The following RGS3 variants were observed in gnomAD, a reference collection of about 807,000 sequenced individuals.
RGS3 encodes the protein regulator of G protein signaling 3.
A neutral mutation model predicts 132.6 loss-of-function variants in RGS3; 80 were observed. The ratio of observed to expected loss-of-function variants is 0.60; its 90% CI spans 0.50 to 0.73. The LOEUF (loss-of-function observed/expected upper bound fraction) is 0.73. Among genes scored for constraint, RGS3 ranks in the 30% least tolerant of loss-of-function variants. The pLI, the probability that RGS3 is intolerant of heterozygous loss-of-function variation, is 0.00. For missense variants in RGS3, 1,382 were observed against 1,530.8 expected (o/e 0.90, Z 1.62); for synonymous variants, 598 against 620.6 (o/e 0.96, Z 0.54).
intron 19 of RGS3, chr9:113,542,213 T>C (rs1475462098): frequency 6.6e-6 from 1 of 151,312 alleles, no homozygotes; most frequent in Non-Finnish European, 1.5e-5. Context: ...TCGCGGTGGA[T>C]GGAATAGCAC....
intron 19 of RGS3, among the ~76,000 whole-genome samples, chr9:113,553,441 TAAA>T (rs66536651): frequency 9.8e-5 from 2 of 20,406 alleles, no homozygotes; most frequent in Non-Finnish European, 1.7e-4. Flanking sequence ...AAACTCTGTT[TAAA>T]AAAAAAAAAA....
At chr9:113,549,755 C>G (rs1833253442) in intron 19 of RGS3, among the ~76,000 whole-genome samples, 1 of 152,198 alleles carries the variant, frequency 6.6e-6, no homozygotes, top group Non-Finnish European at 1.5e-5. Context: ...AATAAATATT[C>G]TTCTACAACA....
intron 1 of RGS3, among the ~76,000 whole-genome samples, chr9:113,448,465 C>T (rs1829163956): frequency 6.6e-6 from 1 of 152,106 alleles, no homozygotes; most frequent in African/African-American, 2.4e-5. Flanking sequence ...CTTCTTCCCC[C>T]TTCTGCCTGG....
chr9:113,562,807 C>A (rs558700927), intron 19 of RGS3, among the ~76,000 whole-genome samples: 2 of 152,328 alleles, frequency 1.3e-5, no homozygotes, highest in East Asian at 3.9e-4. Context: ...CCCAGCCCTG[C>A]CACTCAGTTG....
chr9:113,552,425 T>G (rs1164467887), intron 19 of RGS3, among the ~76,000 whole-genome samples: 1 of 152,194 alleles, frequency 6.6e-6, no homozygotes, highest in East Asian at 1.9e-4. Context: ...CACGCCATTC[T>G]CCTGCCTCAG....
intron 3 of RGS3, among the ~76,000 whole-genome samples, chr9:113,468,359 A>G (rs527456137): frequency 6.6e-6 from 1 of 152,348 alleles, no homozygotes; most frequent in East Asian, 1.9e-4. Flanking sequence ...TCAATTGCCC[A>G]TAAACCCACG....
chr9:113,569,979 G>C (rs977701273), intron 19 of RGS3, among the ~76,000 whole-genome samples: 11 of 152,136 alleles, frequency 7.2e-5, no homozygotes, highest in African/African-American at 2.4e-4. Flanking sequence ...CCTATCCATG[G>C]AAATTGCTTT....
At chr9:113,517,305 C>T (rs770542289) in intron 15 of RGS3, 64 of 650,394 alleles carry the variant, frequency 9.8e-5, no homozygotes, top group Middle Eastern at 2.4e-4. Flanking sequence ...GTAGCTCTCA[C>T]GGTGAGGGTT....
At chr9:113,597,055 A>AGACAC in exon 25 of RGS3, 3 of 1,046,236 alleles carry the variant, frequency 2.9e-6, no homozygotes, top group Non-Finnish European at 2.8e-6. Flanking sequence ...AAGCCCCCAG[A>AGACAC]GGCTGTGTCT....
At chr9:113,459,385 T>G (rs1368270078), upstream of RGS3, among the ~76,000 whole-genome samples, 1 of 152,218 alleles carries the variant, frequency 6.6e-6, no homozygotes, top group Non-Finnish European at 1.5e-5. Context: ...AATTAATACT[T>G]TCTAGAAAAT....
chr9:113,490,147 A>G (rs553578627), intron 7 of RGS3, among the ~76,000 whole-genome samples: 6 of 152,216 alleles, frequency 3.9e-5, no homozygotes, highest in Middle Eastern at 3.2e-3. Flanking sequence ...CCTTGTCTGT[A>G]AAATGCAGTG....
At chr9:113,553,456 AAAAATATAT>A (rs1422716017) in intron 19 of RGS3, among the ~76,000 whole-genome samples, 1 of 98,062 alleles carries the variant, frequency 1.0e-5, no homozygotes, top group African/African-American at 4.2e-5. Flanking sequence ...AAAAAAAAAA[AAAAATATAT>A]ATATATATAT....
chr9:113,593,914 G>A (rs767731771), intron 21 of RGS3: 3 of 1,591,466 alleles, frequency 1.9e-6, no homozygotes, highest in East Asian at 4.5e-5. Flanking sequence ...CTGTCTCCCT[G>A]CTGCCATGGT....
At position 113,591,218 on chromosome 9, in the gene RGS3, G is replaced by A; in HGVS notation, c.3016-115G>A. On this transcript the variant is annotated intron_variant, in intron 20 of 24. Transcript: ENST00000350696. The surrounding 1 kb of genome is among the most constrained non-coding windows in gnomAD (Gnocchi z 4.4). ...CCCTCACCTGTGTGCCGCGGGTGGG[G>A]GCTTTGGGGATGGAAGGGGCTGGTG... is the stretch of plus-strand genomic sequence containing the variant. The A allele has an allele frequency of 9.0e-6, 8 of 892,734 alleles. No individual in the cohort carries two copies. The highest frequency in any genetic ancestry group is 1.1e-5 in the Non-Finnish European group (6 of 557,622). 55.3% of individuals were successfully genotyped at this position (892,734 alleles called of 1,614,324 possible). A position where few individuals can be genotyped will look rare whatever the true frequency, so the allele number is the denominator to read the frequency against.
At chr9:113,468,290 C>T (rs1210226675) in intron 3 of RGS3, among the ~76,000 whole-genome samples, 1 of 152,126 alleles carries the variant, frequency 6.6e-6, no homozygotes, top group Non-Finnish European at 1.5e-5. Flanking sequence ...TGTCCCAGTA[C>T]CATTTGTTGA....
In RGS3 at chr9:113,537,806, G is replaced by C. The variant is rs1405058072; in HGVS notation, c.2037+888G>C. The stretch of plus-strand genomic sequence containing the variant: ...CAGCAGGCCTATGCAGGGGGCAGTT[G>C]GGGGGCAGGCCTGCTGAAGCAGGAG... On this transcript the variant is annotated intron_variant, in intron 19 of 24. Transcript: ENST00000350696. This position sits in a 1 kb window ranked among gnomAD's most constrained non-coding sequence, Gnocchi z 4.3. Among the ~76,000 whole-genome samples the C allele has an allele frequency of 1.3e-5, 2 of 152,158 alleles. No individual in the cohort carries two copies. Among genetic ancestry groups the C allele is most frequent in the Non-Finnish European group, 2.9e-5 (2 of 68,020 alleles).
At chr9:113,588,115 C>G (rs1835214880) in intron 20 of RGS3, among the ~76,000 whole-genome samples, 1 of 152,206 alleles carries the variant, frequency 6.6e-6, no homozygotes, top group African/African-American at 2.4e-5. Context: ...CTTCCCTGGC[C>G]CTGCTTCCTT....
exon 2 of RGS3, chr9:113,461,803 A>G: frequency 6.2e-7 from 1 of 1,614,166 alleles, no homozygotes; most frequent in Non-Finnish European, 8.5e-7. Flanking sequence ...CTGGAGCCCA[A>G]GATAGTCTCC....
chr9:113,513,633 C>T (rs908791505), intron 14 of RGS3, among the ~76,000 whole-genome samples: 3 of 152,308 alleles, frequency 2.0e-5, no homozygotes, highest in East Asian at 1.9e-4. Context: ...GAGCTTGGCA[C>T]TATTGTTACA....
Sources: gnomAD v4.1 joint callset for allele counts (sites outside exome capture counted in the v4.1 genomes callset) on GRCh38, gnomAD v4.1.1 for gene constraint, Gnocchi (gnomAD v3.1) non-coding constraint, MANE v1.5 for transcripts, NCBI Gene and HGNC (gene_info 2026-07-23, HGNC 2026-07-21) for gene names.